ARK2N: variants seen among roughly 807,000 people sequenced by gnomAD.
ARK2N encodes arkadia (RNF111) N-terminal like PKA signaling regulator 2N.
At chr18:46,260,870 T>C in the ARK2N span, among the ~76,000 whole-genome samples, 5 of 152,236 alleles carry the variant, frequency 3.3e-5, no homozygotes. Flanking sequence ...GCCTGGATGG[T>C]TGTCTTTTGG....
chr18:46,187,020 A>C, the ARK2N span, among the ~76,000 whole-genome samples: 94,426 of 150,690 alleles, frequency 0.63, 31,633 homozygotes, highest in Non-Finnish European at 0.75. Context: ...ATGACTGGCA[A>C]ATTTTGTGTT....
At chr18:46,217,479 A>G in the ARK2N span, 1 of 152,212 alleles carries the variant, frequency 6.6e-6, no homozygotes. Flanking sequence ...TTATTGCCAC[A>G]TTGAAGAGGG....
At chr18:46,174,805 G>T in the ARK2N span, among the ~76,000 whole-genome samples, 1 of 152,198 alleles carries the variant, frequency 6.6e-6, no homozygotes, top group Non-Finnish European at 1.5e-5. Context: ...CCAGCTCCGA[G>T]AGTAGGGGGT....
chr18:46,226,886 C>T, the ARK2N span, among the ~76,000 whole-genome samples: 1 of 151,156 alleles, frequency 6.6e-6, no homozygotes, highest in South Asian at 2.1e-4. Context: ...TGGCCCACTG[C>T]AACCTCTGCC....
At chr18:46,259,916 T>G in the ARK2N span, among the ~76,000 whole-genome samples, 3 of 140,438 alleles carry the variant, frequency 2.1e-5, no homozygotes, top group African/African-American at 7.6e-5. Context: ...AGATGGGGTT[T>G]CACCATGGTG....
the ARK2N span, among the ~76,000 whole-genome samples, chr18:46,229,502 C>T: frequency 6.6e-6 from 1 of 151,818 alleles, no homozygotes; most frequent in Non-Finnish European, 1.5e-5. Flanking sequence ...TGCCTGCCAC[C>T]ACGCCCGGCT....
chr18:46,238,982 G>A, the ARK2N span, among the ~76,000 whole-genome samples: 1 of 152,034 alleles, frequency 6.6e-6, no homozygotes, highest in Admixed American at 6.6e-5. Flanking sequence ...ATAGCCTTTG[G>A]GGGAGAAAAC....
chr18:46,221,399 A>G, the ARK2N span, among the ~76,000 whole-genome samples: 3 of 151,302 alleles, frequency 2.0e-5, no homozygotes, highest in Admixed American at 1.3e-4. Flanking sequence ...TACAAAAAAA[A>G]AAAAAGAAAA....
At chr18:46,223,394 C>T in the ARK2N span, among the ~76,000 whole-genome samples, 1 of 152,150 alleles carries the variant, frequency 6.6e-6, no homozygotes, top group Non-Finnish European at 1.5e-5. Context: ...TGGTGACCGA[C>T]TTCATGAGGT....
the ARK2N span, among the ~76,000 whole-genome samples, chr18:46,195,532 G>A: frequency 7.1e-6 from 1 of 140,844 alleles, no homozygotes; most frequent in Non-Finnish European, 1.5e-5. Flanking sequence ...TACAGCTTGA[G>A]CCACCACGCC....
the ARK2N span, chr18:46,253,932 A>C: frequency 7.1e-6 from 9 of 1,265,548 alleles, no homozygotes; most frequent in Non-Finnish European, 9.7e-6. Flanking sequence ...GGCATGAATG[A>C]ATGATGGGAG....
chr18:46,186,194 T>C, the ARK2N span, among the ~76,000 whole-genome samples: 3 of 142,682 alleles, frequency 2.1e-5, no homozygotes, highest in African/African-American at 7.9e-5. Context: ...CAGCTGATTA[T>C]CATGAATTTT....
chr18:46,249,617 A>G, the ARK2N span, among the ~76,000 whole-genome samples: 2 of 152,164 alleles, frequency 1.3e-5, no homozygotes, highest in African/African-American at 4.8e-5. Flanking sequence ...ACATTCTTCA[A>G]AATCCAGATT....
the ARK2N span, chr18:46,215,988 A>C: frequency 6.2e-7 from 1 of 1,614,140 alleles, no homozygotes; most frequent in Non-Finnish European, 8.5e-7. Flanking sequence ...GATCTGTAGA[A>C]CTGGAATCTC....
the ARK2N span, among the ~76,000 whole-genome samples, chr18:46,181,269 G>C: frequency 1.3e-5 from 2 of 151,792 alleles, no homozygotes; most frequent in African/African-American, 2.4e-5. Context: ...TCGGGAGGTG[G>C]GGGGGGAAAT....
chr18:46,237,076 T>A, the ARK2N span, among the ~76,000 whole-genome samples: 2 of 152,052 alleles, frequency 1.3e-5, no homozygotes, highest in African/African-American at 2.4e-5. Flanking sequence ...TTGGTCAGGC[T>A]GGTCTCAAAC....
the ARK2N span, among the ~76,000 whole-genome samples, chr18:46,225,499 C>G: frequency 6.6e-6 from 1 of 152,124 alleles, no homozygotes; most frequent in Non-Finnish European, 1.5e-5. Flanking sequence ...CGCTTTGTCG[C>G]GCAGGCTGGA....
chr18:46,255,794 G>A, the ARK2N span, among the ~76,000 whole-genome samples: 1 of 151,414 alleles, frequency 6.6e-6, no homozygotes, highest in Admixed American at 6.6e-5. Context: ...ATTCCGGTGG[G>A]AAATAATTTT....
At chr18:46,261,344 G>C in the ARK2N span, among the ~76,000 whole-genome samples, 1 of 152,184 alleles carries the variant, frequency 6.6e-6, no homozygotes, top group Non-Finnish European at 1.5e-5. Flanking sequence ...CATGTAACCT[G>C]TTTAAGCCTC....
Sources: gnomAD v4.1 joint callset for allele counts (sites outside exome capture counted in the v4.1 genomes callset) on GRCh38, gnomAD v4.1.1 for gene constraint, MANE v1.5 for transcripts, NCBI Gene and HGNC (gene_info 2026-07-23, HGNC 2026-07-21) for gene names.